DIP2C: variants seen among roughly 807,000 people sequenced by gnomAD.
The protein encoded by DIP2C is DIP2 acetate--CoA ligase C (putative).
Under a neutral mutation model 192.4 loss-of-function variants are expected in DIP2C, and 33 were observed. That is an observed-to-expected ratio of 0.17 (90% CI 0.13 to 0.23). The LOEUF is 0.23. Ranked by LOEUF, DIP2C falls within the 10% of genes least tolerant of loss-of-function variation. The probability of loss-of-function intolerance (pLI) is 1.00; values close to 1 mark genes in which losing one functional copy is unlikely to be tolerated. For missense variants in DIP2C, 1,537 were observed against 2,110.1 expected (o/e 0.73, Z 5.32); for synonymous variants, 979 against 864.1 (o/e 1.13, Z -2.33).
chr10:338,396 G>A (rs1957975010), intron 29 of DIP2C, among the ~76,000 whole-genome samples: 2 of 150,584 alleles, frequency 1.3e-5, no homozygotes, highest in Admixed American at 1.3e-4. Context: ...ACTCCTGCCA[G>A]CTCCAGTCAT....
intron 8 of DIP2C, 146 bp from the exon 9 acceptor site, chr10:409,163 G>T (rs1437461533): frequency 1.6e-5 from 11 of 667,064 alleles, no homozygotes; most frequent in Non-Finnish European, 2.2e-5. Context: ...GCTGAGCAAA[G>T]GGGGAACTGG....
At chr10:571,317 C>G (rs1375237525) in intron 1 of DIP2C, among the ~76,000 whole-genome samples, 2 of 152,192 alleles carry the variant, frequency 1.3e-5, no homozygotes, top group African/African-American at 4.8e-5. Flanking sequence ...AATCAGCTCC[C>G]CCCGGCCATC....
At chr10:518,877 A>T (rs927051792) in intron 1 of DIP2C, among the ~76,000 whole-genome samples, 4 of 152,148 alleles carry the variant, frequency 2.6e-5, no homozygotes, top group African/African-American at 9.7e-5. Flanking sequence ...TTAAAGGAAA[A>T]GGAGGATCAT....
intron 1 of DIP2C, among the ~76,000 whole-genome samples, chr10:561,822 T>G (rs1264464420): frequency 1.3e-5 from 2 of 152,206 alleles, no homozygotes; most frequent in Non-Finnish European, 2.9e-5. Flanking sequence ...ACTCATGAAA[T>G]TAATACACTT....
At chr10:563,137 T>A (rs192799725) in intron 1 of DIP2C, among the ~76,000 whole-genome samples, 4,584 of 152,272 alleles carry the variant, frequency 0.03, 222 homozygotes, top group African/African-American at 0.1. Context: ...TTATCATAAA[T>A]CAGACACCAT....
intron 31 of DIP2C, among the ~76,000 whole-genome samples, chr10:324,033 C>T (rs1235938055): frequency 6.6e-6 from 1 of 152,166 alleles, no homozygotes; most frequent in African/African-American, 2.4e-5. Context: ...GACTCTCGCC[C>T]GCACGACTCC....
intron 1 of DIP2C, among the ~76,000 whole-genome samples, chr10:510,192 C>G (rs1022309530): frequency 7.9e-5 from 12 of 152,198 alleles, no homozygotes; most frequent in African/African-American, 2.9e-4. Flanking sequence ...ACTTTACACT[C>G]ATTGGTTCCA....
intron 32 of DIP2C, among the ~76,000 whole-genome samples, chr10:301,539 G>C (rs1381029611): frequency 1.3e-5 from 2 of 152,198 alleles, no homozygotes; most frequent in East Asian, 3.9e-4. Context: ...ACACGGCAAA[G>C]TGAAAGAAGA....
chr10:551,077 A>C (rs892273410), intron 1 of DIP2C, among the ~76,000 whole-genome samples: 3 of 152,072 alleles, frequency 2.0e-5, no homozygotes, highest in African/African-American at 7.2e-5. Flanking sequence ...CAAACCATGC[A>C]CACGGCTTCC....
chr10:568,853 T>C (rs1193659421), intron 1 of DIP2C, among the ~76,000 whole-genome samples: 4 of 144,286 alleles, frequency 2.8e-5, no homozygotes, highest in African/African-American at 1.0e-4. Context: ...TCTGCAAATG[T>C]CTACCTGCAA....
intron 1 of DIP2C, among the ~76,000 whole-genome samples, chr10:563,518 C>CA (rs1849319404): frequency 6.6e-6 from 1 of 152,166 alleles, no homozygotes; most frequent in African/African-American, 2.4e-5. Context: ...GTCAACATCC[C>CA]AAACTAAGCA....
chr10:627,080 G>A (rs551471775), intron 1 of DIP2C, among the ~76,000 whole-genome samples: 4 of 152,346 alleles, frequency 2.6e-5, no homozygotes, highest in East Asian at 1.9e-4. Context: ...GATTTCGCTC[G>A]GCTATGGAGG....
At chr10:411,057 G>A (rs977366515) in intron 8 of DIP2C, among the ~76,000 whole-genome samples, 2 of 152,212 alleles carry the variant, frequency 1.3e-5, no homozygotes, top group Non-Finnish European at 2.9e-5. Flanking sequence ...GAGCAAGCCC[G>A]GGAAGGAGGC....
intron 36 of DIP2C, among the ~76,000 whole-genome samples, chr10:278,117 G>A (rs1050027951): frequency 1.3e-5 from 2 of 151,728 alleles, no homozygotes; most frequent in African/African-American, 4.8e-5. Context: ...GACGCCGAGG[G>A]CATGGGTGCC....
chr10:657,649 CT>C (rs1856454307), intron 1 of DIP2C, among the ~76,000 whole-genome samples: 1 of 113,400 alleles, frequency 8.8e-6, no homozygotes, highest in Non-Finnish European at 1.9e-5. Context: ...GGACCTGCCC[CT>C]GGACCTGTCC....
chr10:366,531 C>A, intron 18 of DIP2C, 120 bp from the exon 19 acceptor site: 2 of 1,384,204 alleles, frequency 1.4e-6, no homozygotes, highest in East Asian at 2.4e-5. Context: ...TGGAGCAAAA[C>A]TGCACGGATG....
rs532097195 is a variant in DIP2C at position 663,781 on chromosome 10, C to G, written c.85+25713G>C. The G allele has an allele frequency of 7.2e-5, 11 of 152,336 alleles. No individual in the cohort carries two copies. In the South Asian group the frequency reaches 2.3e-3, roughly 32 times the overall value. The allele number at this position is 152,336 out of a possible 1,614,324, so 9.4% of individuals were successfully genotyped here. On this transcript the variant is annotated intron_variant, in intron 1 of 36. Coordinates refer to ENST00000280886, the MANE Select transcript of DIP2C (RefSeq NM_014974.3). Reference sequence around the variant, plus strand: ...AAGAAACACAAACCTGCACGTCTCACGCCACCACTTAAGGCAGCGGCTCTC... The same window carrying G: ...AAGAAACACAAACCTGCACGTCTCAGGCCACCACTTAAGGCAGCGGCTCTC...
intron 17 of DIP2C, among the ~76,000 whole-genome samples, chr10:381,335 C>CA (rs1962353079): frequency 6.6e-6 from 1 of 152,240 alleles, no homozygotes; most frequent in Non-Finnish European, 1.5e-5. Flanking sequence ...GGCATGGGGA[C>CA]ACTGCGGGCT....
intron 32 of DIP2C, among the ~76,000 whole-genome samples, chr10:293,957 G>A (rs1297832945): frequency 1.3e-5 from 2 of 152,154 alleles, no homozygotes; most frequent in African/African-American, 4.8e-5. Context: ...CAAAAAATGA[G>A]CAACGAGAGA....
Sources: allele counts gnomAD v4.1 joint callset (sites outside exome capture counted in the v4.1 genomes callset), GRCh38; gene constraint gnomAD v4.1.1; transcripts MANE v1.5; gene names NCBI Gene and HGNC (gene_info 2026-07-23, HGNC 2026-07-21).